CATSPER2: variants seen among roughly 807,000 people sequenced by gnomAD.
CATSPER2 encodes the protein cation channel sperm associated 2, also known as cation channel sperm-associated protein 2.
Under a neutral mutation model 68.8 loss-of-function variants are expected in CATSPER2, and 56 were observed. The ratio of observed to expected loss-of-function variants is 0.81; its 90% CI spans 0.66 to 1.02. The LOEUF is 1.02. Among genes scored for constraint, CATSPER2 ranks in the 50% least tolerant of loss-of-function variants. The pLI is 0.00. For missense variants in CATSPER2, 582 were observed against 642.0 expected (o/e 0.91, Z 1.01); for synonymous variants, 198 against 229.9 (o/e 0.86, Z 1.26).
At position 43,629,038 on chromosome 15, in the gene CATSPER2, A is replaced by T. The variant is rs563397921; in HGVS notation, c.*1663T>A. Reference sequence around the variant, plus strand: ...AATTTTGTTCATTGACTGAGAAAGGAGTCACCGGCTCTCTTCCCCTGCATA... The same window carrying T: ...AATTTTGTTCATTGACTGAGAAAGGTGTCACCGGCTCTCTTCCCCTGCATA... On this transcript the variant is annotated 3_prime_UTR_variant, in exon 13 of 13. Coordinates refer to ENST00000396879, the MANE Select transcript of CATSPER2 (RefSeq NM_172095.4). The T allele has an allele frequency of 2.0e-5, 3 of 150,486 alleles. No individual in the cohort carries two copies. The highest frequency in any genetic ancestry group is 7.5e-5 in the African/African-American group (3 of 40,238). The allele number at this position is 150,486 out of a possible 1,614,324, so 9.3% of individuals were successfully genotyped here. A position where few individuals can be genotyped will look rare whatever the true frequency, so the allele number is the denominator to read the frequency against.
intron 7 of CATSPER2, chr15:43,637,733 G>C (rs1032418254): frequency 6.6e-6 from 1 of 151,890 alleles, no homozygotes; most frequent in African/African-American, 2.4e-5. Context: ...CTGCCGAAGT[G>C]AGCACTGATT....
Position 43,639,545 on chromosome 15 carries a change from G to A in CATSPER2, c.717+98C>T, listed in dbSNP as rs1065394. On this transcript the variant is annotated intron_variant, in intron 6 of 12. Transcript: ENST00000396879. ...TTCCCAAAGTGCTGGGATTACAGGC[G>A]TGAGCCACCGCACCCGGCCAATTTG... 6.0e-5 allele frequency: 95 copies of A among 1,592,582 alleles called. 2 individuals are homozygous for A. Among genetic ancestry groups the A allele is most frequent in the Middle Eastern group, 4.4e-4 (2 of 4,496 alleles).
rs1337189142 is a variant in CATSPER2 at position 43,637,276 on chromosome 15, C to T, written c.843-1057G>A. ...ATTAGTTTGCTGGTATGAAATGATA[C>T]CCAAGCAAATGGGTATGTTACATAA... On this transcript the variant is annotated intron_variant, in intron 7 of 12. Coordinates refer to ENST00000396879, the MANE Select transcript of CATSPER2 (RefSeq NM_172095.4). Among the ~76,000 whole-genome samples the T allele has an allele frequency of 4.4e-4, 67 of 151,830 alleles. 1 individual carries two copies. Among genetic ancestry groups the T allele is most frequent in the African/African-American group, 1.6e-3 (67 of 41,372 alleles).
In CATSPER2 at chr15:43,631,575, T is replaced by C. The variant is rs112570640; in HGVS notation, c.1561+624A>G. On this transcript the variant is annotated intron_variant, in intron 12 of 12. Transcript: ENST00000396879. Reference sequence around the variant, plus strand: ...AAATTGTATTAAGCCAAATTAGTCATAGAGTAATGAAATTTAGGAAAAATA... The same window carrying C: ...AAATTGTATTAAGCCAAATTAGTCACAGAGTAATGAAATTTAGGAAAAATA... 5.3e-3 allele frequency: 1,785 copies of C among 339,442 alleles called. 40 individuals are homozygous for C. The highest frequency in any genetic ancestry group is 0.036 in the African/African-American group (1,646 of 45,164). 21.0% of individuals were successfully genotyped at this position (339,442 alleles called of 1,614,324 possible). A position where few individuals can be genotyped will look rare whatever the true frequency, so the allele number is the denominator to read the frequency against.
At chr15:43,632,476 C>T in intron 11 of CATSPER2, 113 bp from the exon 12 acceptor site, 1 of 1,463,836 alleles carries the variant, frequency 6.8e-7, no homozygotes, top group South Asian at 1.2e-5. Flanking sequence ...TAACAGGAAG[C>T]AAGGAGGGAA....
chr15:43,631,318 C>G, intron 12 of CATSPER2: 1 of 181,684 alleles, frequency 5.5e-6, no homozygotes, highest in South Asian at 1.2e-4. Context: ...GCAACCTCCG[C>G]CTTCCAGGTT....
At chr15:43,638,735 A>G (rs1276017705) in intron 7 of CATSPER2, among the ~76,000 whole-genome samples, 169 bp downstream of exon 7, 1 of 151,862 alleles carries the variant, frequency 6.6e-6, no homozygotes, top group African/African-American at 2.4e-5. Context: ...TCAAGATCAG[A>G]GCTAATACCA....
At chr15:43,640,808 T>TAC (rs1444557522) in intron 4 of CATSPER2, among the ~76,000 whole-genome samples, 1 of 151,884 alleles carries the variant, frequency 6.6e-6, no homozygotes, top group Non-Finnish European at 1.5e-5. Context: ...TAATTACCCC[T>TAC]ACCTCCAAAC....
chr15:43,636,548 G>A (rs866593360), intron 7 of CATSPER2, among the ~76,000 whole-genome samples: 8 of 151,484 alleles, frequency 5.3e-5, no homozygotes, highest in Middle Eastern at 6.4e-3. Context: ...GCACCACCAC[G>A]CCCAGCTAAT....
intron 7 of CATSPER2, among the ~76,000 whole-genome samples, chr15:43,636,823 T>TA (rs1428686599): frequency 7.9e-5 from 12 of 151,530 alleles, no homozygotes; most frequent in African/African-American, 2.9e-4. Flanking sequence ...ATAGTTTTTC[T>TA]ATTTTTTTTT....
rs149101439 is a variant in CATSPER2 at position 43,632,886 on chromosome 15, C to T, written c.1227G>A (p.Val409=). The change falls in exon 11 of 13, where the codon GTG becomes GTA. Residue 409 remains valine, a synonymous_variant. Coordinates refer to ENST00000396879, the MANE Select transcript of CATSPER2 (RefSeq NM_172095.4). ...QQRESLDLSE[V]SEVESNYGAT... is the part of the protein sequence containing the mutation. ...CACCATAATTAGACTCTACTTCAGA[C>T]ACTTCTGATAAGTCCAAACTTTCCC... The T allele has an allele frequency of 6.2e-7, 1 of 1,610,072 alleles. No homozygotes were observed. The highest frequency in any genetic ancestry group is 1.7e-5 in the Admixed American group (1 of 59,968).
chr15:43,635,406 T>C lies in CATSPER2; in HGVS notation c.1132A>G (p.Met378Val), dbSNP rs1473084166. 2 of 1,609,120 alleles carry C rather than the reference T, an allele frequency of 1.2e-6. No individual in the cohort carries two copies. Among genetic ancestry groups the C allele is most frequent in the Non-Finnish European group, 1.7e-6 (2 of 1,179,310 alleles). ...KRQIIQRRKN[M>V]SHEALTSSHS... ...CTTGACGTCAGTGCTTCATGTGACA[T>C]GTTTTTTCTCCTGCAGAGCAAAAAA... The change falls in exon 10 of 13, where the codon ATG becomes GTG. Residue 378 changes from methionine (M) to valine (V), a missense_variant. This residue lies in a region of CATSPER2 where 235 missense variants were observed against 264.2 expected (regional missense o/e 0.89). Transcript: ENST00000396879.
chr15:43,630,934 C>G (rs1394407420), intron 12 of CATSPER2, among the ~76,000 whole-genome samples: 1 of 151,992 alleles, frequency 6.6e-6, no homozygotes, highest in Non-Finnish European at 1.5e-5. Flanking sequence ...GCATTTTCCT[C>G]CTTTTCACCC....
intron 7 of CATSPER2, among the ~76,000 whole-genome samples, chr15:43,638,604 G>A (rs1158942671): frequency 6.6e-6 from 1 of 151,696 alleles, no homozygotes; most frequent in Non-Finnish European, 1.5e-5. Context: ...TTCAAAAGAG[G>A]TAACTGAGTC....
Position 43,647,092 on chromosome 15 carries a change from AGAT to A in CATSPER2, c.343_345del (p.Ile115del). 1 of 1,613,048 alleles carries A rather than the reference AGAT, an allele frequency of 6.2e-7. No individual in the cohort carries two copies. Among genetic ancestry groups the A allele is most frequent in the South Asian group, 1.1e-5 (1 of 91,026 alleles). The stretch of plus-strand genomic sequence containing the variant: ...ATGATCGTATTCAAAAAGACCAGGA[AGAT>A]GATGAAGTTTTTGAAGAGAGGACCT... On this transcript the variant is annotated inframe_deletion, in exon 4 of 13. Coordinates refer to ENST00000396879, the MANE Select transcript of CATSPER2 (RefSeq NM_172095.4).
intron 7 of CATSPER2, among the ~76,000 whole-genome samples, chr15:43,638,347 G>A (rs1173643260): frequency 2.3e-5 from 3 of 131,988 alleles, no homozygotes; most frequent in African/African-American, 3.1e-5. Context: ...GGAGTACAGT[G>A]GCACTATATC....
rs567735893 is a variant in CATSPER2 at position 43,643,316 on chromosome 15, T to C, written c.389-2820A>G. Among the ~76,000 whole-genome samples, 33 of 152,090 alleles carry C rather than the reference T, an allele frequency of 2.2e-4. 1 individual carries two copies. The highest frequency in any genetic ancestry group is 7.5e-4 in the African/African-American group (31 of 41,494). On this transcript the variant is annotated intron_variant, in intron 4 of 12. Coordinates refer to ENST00000396879, the MANE Select transcript of CATSPER2 (RefSeq NM_172095.4). ...ATGTTTTGGCTAGTTATATCCATCA[T>C]GAAACAAGGAATACTGATGTTGAAA...
At chr15:43,638,850 T>C (rs1185164395) in intron 7 of CATSPER2, 54 bp downstream of exon 7, 3 of 1,606,006 alleles carry the variant, frequency 1.9e-6, no homozygotes, top group Non-Finnish European at 2.6e-6. Flanking sequence ...ACAAGCTTCC[T>C]GGTCTCTTAG....
In CATSPER2 at chr15:43,647,324, G is replaced by A. The variant is rs937210880; in HGVS notation, c.289C>T (p.Leu97Phe). Residue 97 changes from leucine (L) to phenylalanine (F), a missense_variant, in exon 3 of 13, where the codon CTT becomes TTT. Leu to Phe is a conservative substitution (Grantham distance 22, BLOSUM62 0). Transcript: ENST00000396879. The part of the protein sequence containing the change: ...LHVRCSQRPP[L>F]SLWAGWVLEC... ...AGGACCCATCCGGCCCACAAAGAAA[G>A]AGGTGGCCTCTGACTGCAGCGCACA... The A allele has an allele frequency of 4.2e-5, 67 of 1,611,942 alleles. 1 individual carries two copies. The highest frequency in any genetic ancestry group is 5.4e-5 in the Non-Finnish European group (64 of 1,178,322).
Sources: allele counts gnomAD v4.1 joint callset (sites outside exome capture counted in the v4.1 genomes callset), GRCh38; gene constraint gnomAD v4.1.1; regional missense constraint gnomAD v4.1.1; transcripts MANE v1.5; gene names NCBI Gene and HGNC (gene_info 2026-07-23, HGNC 2026-07-21).